Variants in CDH18 observed in about 807,000 individuals in gnomAD.
The protein encoded by CDH18 is cadherin-18.
CDH18 carries 31 observed loss-of-function variants against 67.9 expected under a neutral mutation model. That is an observed-to-expected ratio of 0.46 (90% CI 0.34 to 0.62). CDH18 has a LOEUF of 0.62. CDH18 is among the 20% of genes least tolerant of loss of function. The pLI is 0.01. For synonymous variants in CDH18, 362 were observed against 347.2 expected, an observed-to-expected ratio of 1.04 and a Z score of -0.48; for missense variants, 890 against 975.5, an observed-to-expected ratio of 0.91 and a Z score of 1.17.
chr5:19,936,995 A>G (rs1794347565), intron 2 of CDH18, among the ~76,000 whole-genome samples: 1 of 151,258 alleles, frequency 6.6e-6, no homozygotes, highest in Admixed American at 6.6e-5. Context: ...GGCCATATAT[A>G]CTCTTTTCAA....
chr5:19,633,160 T>A (rs1188963267), intron 5 of CDH18, among the ~76,000 whole-genome samples: 1 of 152,226 alleles, frequency 6.6e-6, no homozygotes, highest in East Asian at 1.9e-4. Context: ...CTACGTAGTG[T>A]CTTCAACTTT....
intron 1 of CDH18, among the ~76,000 whole-genome samples, chr5:20,494,783 T>C (rs946762233): frequency 6.6e-6 from 1 of 151,990 alleles, no homozygotes; most frequent in Non-Finnish European, 1.5e-5. Context: ...CATGAGTAGG[T>C]CTGGAGGAGT....
chr5:19,964,663 A>T (rs1433387497), intron 2 of CDH18, among the ~76,000 whole-genome samples: 1 of 149,826 alleles, frequency 6.7e-6, no homozygotes, highest in Non-Finnish European at 1.5e-5. Context: ...AAAAAAAAAG[A>T]AAAAAAAAGA....
chr5:19,911,576 A>T (rs11960225), intron 2 of CDH18, among the ~76,000 whole-genome samples: 76,866 of 151,516 alleles, frequency 0.51, 19,729 homozygotes, highest in African/African-American at 0.59. Context: ...ATAGTTCCCA[A>T]ATAGAAAGAG....
chr5:20,428,213 G>A (rs1748463054), intron 1 of CDH18, among the ~76,000 whole-genome samples: 1 of 150,918 alleles, frequency 6.6e-6, no homozygotes, highest in African/African-American at 2.5e-5. Context: ...TTCTGTTCCT[G>A]TGTTAGCTTG....
chr5:20,296,697 A>G (rs1409913324), intron 1 of CDH18, among the ~76,000 whole-genome samples: 4 of 151,976 alleles, frequency 2.6e-5, no homozygotes, highest in African/African-American at 9.6e-5. Context: ...GTAATATATC[A>G]TTTTTACTTA....
chr5:19,644,791 G>A (rs115907403), intron 5 of CDH18, among the ~76,000 whole-genome samples: 134 of 152,234 alleles, frequency 8.8e-4, no homozygotes, highest in African/African-American at 3.0e-3. Context: ...ATCAAAGCAG[G>A]TTGCAACTTC....
At chr5:20,486,934 G>A (rs1429676775) in intron 1 of CDH18, among the ~76,000 whole-genome samples, 2 of 152,246 alleles carry the variant, frequency 1.3e-5, no homozygotes, top group African/African-American at 4.8e-5. Flanking sequence ...AACTGCAGTG[G>A]CGACAGGGAG....
intron 2 of CDH18, among the ~76,000 whole-genome samples, chr5:19,961,805 T>A (rs1796930877): frequency 6.6e-6 from 1 of 152,214 alleles, no homozygotes; most frequent in East Asian, 1.9e-4. Flanking sequence ...TCAAAAGGCT[T>A]TTTTAAGTTT....
At chr5:19,604,530 AACACACACAC>A (rs4002268) in intron 6 of CDH18, among the ~76,000 whole-genome samples, 72,793 of 145,086 alleles carry the variant, frequency 0.5, 20,165 homozygotes, top group South Asian at 0.66. Context: ...TTCAAATTAA[AACACACACAC>A]ACACACACAC....
chr5:20,015,828 G>GA (rs1253294636), intron 2 of CDH18, among the ~76,000 whole-genome samples: 2 of 152,070 alleles, frequency 1.3e-5, no homozygotes, highest in African/African-American at 4.8e-5. Context: ...TATTGGTTTG[G>GA]AAAAAGGACG....
intron 1 of CDH18, among the ~76,000 whole-genome samples, chr5:20,381,696 A>G (rs969069457): frequency 5.9e-5 from 9 of 152,186 alleles, no homozygotes; most frequent in Admixed American, 3.9e-4. Flanking sequence ...GAGAGTCTCC[A>G]GAGAGAAGAA....
chr5:20,573,806 AATATATATATATATATATATATAT>A (rs60858438), intron 1 of CDH18, among the ~76,000 whole-genome samples: 36,631 of 119,948 alleles, frequency 0.31, 7,103 homozygotes, highest in South Asian at 0.43. Flanking sequence ...ACTTAAAAGA[AATATATATATATATATATATATAT>A]ATATATATAT....
chr5:20,455,608 A>T (rs1399148842), intron 1 of CDH18, among the ~76,000 whole-genome samples: 1 of 152,130 alleles, frequency 6.6e-6, no homozygotes, highest in African/African-American at 2.4e-5. Flanking sequence ...ATCAATTCAG[A>T]AATCGTGAAG....
intron 3 of CDH18, among the ~76,000 whole-genome samples, chr5:19,782,398 A>G (rs1251689021): frequency 3.3e-5 from 5 of 152,158 alleles, no homozygotes; most frequent in Non-Finnish European, 5.9e-5. Flanking sequence ...GGAGATTACA[A>G]TTCACAGTGA....
At chr5:19,960,989 C>T (rs1044561470) in intron 2 of CDH18, among the ~76,000 whole-genome samples, 21 of 150,902 alleles carry the variant, frequency 1.4e-4, no homozygotes, top group African/African-American at 4.9e-4. Flanking sequence ...ACTGGGAGTG[C>T]AGGAGGTTTG....
chr5:20,268,900 T>C (rs1337212212), intron 1 of CDH18, among the ~76,000 whole-genome samples: 2 of 152,110 alleles, frequency 1.3e-5, no homozygotes, highest in Admixed American at 6.6e-5. Flanking sequence ...AAAATGCTTC[T>C]GCGCAACAAA....
rs61637134 is a variant in CDH18 at position 19,849,715 on chromosome 5, C to CAT, written c.-256-10475_-256-10474dup. ...ATATATACACGCATATATATATAAA[C>CAT]ATATATATATACACGCATATATATA... On this transcript the variant is annotated intron_variant, in intron 2 of 12. Coordinates refer to ENST00000382275, the MANE Select transcript of CDH18 (RefSeq NM_004934.5). Among the ~76,000 whole-genome samples the CAT allele has an allele frequency of 4.4e-3, 65 of 14,748 alleles. 7 individuals are homozygous for CAT. The highest frequency in any genetic ancestry group is 6.5e-3 in the African/African-American group (57 of 8,740). The allele number at this position is 14,748 out of a possible 152,430, so 9.7% of individuals were successfully genotyped here. A position where few individuals can be genotyped will look rare whatever the true frequency, so the allele number is the denominator to read the frequency against.
intron 2 of CDH18, among the ~76,000 whole-genome samples, chr5:20,243,945 G>A (rs1271594373): frequency 6.6e-6 from 1 of 152,052 alleles, no homozygotes; most frequent in East Asian, 1.9e-4. Flanking sequence ...CAGCTCATAA[G>A]AGTCAAAATG....
Sources: gnomAD v4.1 joint callset for allele counts (sites outside exome capture counted in the v4.1 genomes callset) on GRCh38, gnomAD v4.1.1 for gene constraint, MANE v1.5 for transcripts, NCBI Gene and HGNC (gene_info 2026-07-23, HGNC 2026-07-21) for gene names.